The following EPS15 variants were observed in gnomAD, a reference collection of about 807,000 sequenced individuals.
EPS15 encodes epidermal growth factor receptor pathway substrate 15.
A neutral mutation model predicts 113.8 loss-of-function variants in EPS15; 72 were observed. That is an observed-to-expected ratio of 0.63 (90% CI 0.52 to 0.77). The LOEUF (loss-of-function observed/expected upper bound fraction) is 0.77. Among genes scored for constraint, EPS15 ranks in the 30% least tolerant of loss-of-function variants. The pLI is 0.00. For missense variants in EPS15, 1,048 were observed against 1,045.8 expected (o/e 1.00, Z -0.03); for synonymous variants, 344 against 363.4 (o/e 0.95, Z 0.61).
rs550798446 is a variant in EPS15, at chr1:51,392,888, A to C, written c.2119+1493T>G. ...TATTAACCTTTCATTTTATTCTCTT[A>C]GGTTATCCTTTTTAATTCTATAGTA... On this transcript the variant is annotated intron_variant, in intron 21 of 24. Coordinates refer to ENST00000371733, the MANE Select transcript of EPS15 (RefSeq NM_001981.3). 9.5e-4 allele frequency among the ~76,000 whole-genome samples: 144 copies of C among 152,258 alleles called. 1 individual carries two copies. In the Middle Eastern group the frequency reaches 0.014, roughly 14 times the overall value.
intron 21 of EPS15, among the ~76,000 whole-genome samples, chr1:51,367,870 G>A (rs1330570177): frequency 6.6e-6 from 1 of 152,234 alleles, no homozygotes; most frequent in Non-Finnish European, 1.5e-5. Flanking sequence ...AGTGGCTCAC[G>A]CCTGTAATCC....
chr1:51,448,369 A>C (rs1653246777), intron 8 of EPS15, among the ~76,000 whole-genome samples: 1 of 152,332 alleles, frequency 6.6e-6, no homozygotes, highest in East Asian at 1.9e-4. Context: ...TTAGAGACGT[A>C]CCCTTCAACT....
intron 1 of EPS15, among the ~76,000 whole-genome samples, chr1:51,518,150 G>C (rs1254902202): frequency 6.6e-6 from 1 of 152,168 alleles, no homozygotes; most frequent in Non-Finnish European, 1.5e-5. Flanking sequence ...CACAGGAGCA[G>C]GAAGGAACTG....
At chr1:51,450,684 T>C (rs1653473591) in intron 8 of EPS15, among the ~76,000 whole-genome samples, 1 of 151,792 alleles carries the variant, frequency 6.6e-6, no homozygotes, top group Non-Finnish European at 1.5e-5. Flanking sequence ...TCTACCAAAT[T>C]GCAAATGTGT....
At chr1:51,508,666 T>C (rs116568078) in intron 1 of EPS15, among the ~76,000 whole-genome samples, 13 of 152,286 alleles carry the variant, frequency 8.5e-5, no homozygotes, top group African/African-American at 3.1e-4. Flanking sequence ...TGTTAAAATA[T>C]ATATATAAAA....
At chr1:51,455,336 T>C (rs1181234521) in intron 8 of EPS15, among the ~76,000 whole-genome samples, 2 of 152,164 alleles carry the variant, frequency 1.3e-5, no homozygotes, top group Admixed American at 1.3e-4. Flanking sequence ...ACACCTGTAA[T>C]CCCAGCACTT....
At chr1:51,415,792 G>A (rs555444571) in intron 13 of EPS15, among the ~76,000 whole-genome samples, 644 of 32,172 alleles carry the variant, frequency 0.02, 6 homozygotes, top group African/African-American at 0.076. Context: ...GCAAAACTCC[G>A]TCTCAAAAAA....
intron 1 of EPS15, among the ~76,000 whole-genome samples, chr1:51,518,982 C>A (rs1469973312): frequency 6.6e-6 from 1 of 151,024 alleles, no homozygotes; most frequent in Non-Finnish European, 1.5e-5. Flanking sequence ...AGGCGCCCGA[C>A]GACCCTGGGC....
intron 1 of EPS15, among the ~76,000 whole-genome samples, chr1:51,508,338 G>GAGAAAGAAAGAAAGAGAGAA (rs1644553807): frequency 8.2e-6 from 1 of 122,248 alleles, no homozygotes; most frequent in Non-Finnish European, 1.7e-5. Flanking sequence ...AAGAGAAAGA[G>GAGAAAGAAAGAAAGAGAGAA]AGAAAGAAAG....
At chr1:51,491,859 ATTTTTTT>A (rs1007233147) in intron 1 of EPS15, among the ~76,000 whole-genome samples, 6 of 129,816 alleles carry the variant, frequency 4.6e-5, no homozygotes, top group Non-Finnish European at 8.2e-5. Context: ...AACTCATTTA[ATTTTTTT>A]TTTTTTTTTT....
At chr1:51,423,456 T>C in intron 12 of EPS15, 1 of 985,436 alleles carries the variant, frequency 1.0e-6, no homozygotes, top group Non-Finnish European at 1.2e-6. Context: ...CCTCCTTATG[T>C]GAGCAGATGA....
At chr1:51,433,898 C>T (rs559643706) in intron 12 of EPS15, among the ~76,000 whole-genome samples, 1 of 152,270 alleles carries the variant, frequency 6.6e-6, no homozygotes, top group East Asian at 1.9e-4. Context: ...CATAATTTAC[C>T]ACTACCACAT....
intron 6 of EPS15, 94 bp from the exon 7 acceptor site, chr1:51,463,892 T>C (rs1654657471): frequency 4.7e-6 from 3 of 636,276 alleles, no homozygotes; most frequent in Non-Finnish European, 7.8e-6. Flanking sequence ...AGACTACATA[T>C]GTTTTTAAAC....
At chr1:51,431,973 C>CTAT in intron 12 of EPS15, among the ~76,000 whole-genome samples, 1 of 152,004 alleles carries the variant, frequency 6.6e-6, no homozygotes, top group Non-Finnish European at 1.5e-5. Flanking sequence ...TAAATTTCAG[C>CTAT]TATTATTATT....
At position 51,402,501 on chromosome 1, in the gene EPS15, T is replaced by C. The variant is rs766349341; in HGVS notation, c.1816A>G (p.Ser606Gly). Residue 606 changes from serine (S) to glycine (G), a missense_variant, in exon 18 of 25, where the codon AGT becomes GGT. By Grantham distance (56) the Ser-to-Gly change is moderately conservative (BLOSUM62 0). Coordinates refer to ENST00000371733, the MANE Select transcript of EPS15 (RefSeq NM_001981.3). ...TCTGCAACTGGACCTGTCAGCGAAC[T>C]TGAGTCTACATTAAATGGATCTTCC... ...KEEDPFNVDS[S>G]SLTGPVADTN... 1.9e-6 allele frequency: 3 copies of C among 1,577,618 alleles called. No individual in the cohort carries two copies. The highest frequency in any genetic ancestry group is 2.3e-5 in the South Asian group (2 of 86,002).
chr1:51,408,952 A>G (rs1649420308), intron 14 of EPS15, among the ~76,000 whole-genome samples: 1 of 152,064 alleles, frequency 6.6e-6, no homozygotes, highest in Non-Finnish European at 1.5e-5. Context: ...GGCACCCGCC[A>G]CCGCCCTGGC....
At chr1:51,492,187 C>T (rs1433033477) in intron 1 of EPS15, among the ~76,000 whole-genome samples, 1 of 152,016 alleles carries the variant, frequency 6.6e-6, no homozygotes, top group Non-Finnish European at 1.5e-5. Context: ...TGGATGCTTT[C>T]TAGGTACAAG....
chr1:51,414,615 T>C lies in EPS15; in HGVS notation c.1114-4919A>G, dbSNP rs17106554. ...AGGAAAAATATGTTATCTATCCCCATTAGTAAATACTCTAGTCATATTCCC... is the reference window on the plus strand; with the variant it reads ...AGGAAAAATATGTTATCTATCCCCACTAGTAAATACTCTAGTCATATTCCC... On this transcript the variant is annotated intron_variant, in intron 13 of 24. Transcript: ENST00000371733. Among the ~76,000 whole-genome samples, 1,440 of 152,232 alleles carry C rather than the reference T, an allele frequency of 9.5e-3. 24 individuals are homozygous for C. Among genetic ancestry groups the C allele is most frequent in the African/African-American group, 0.033 (1,377 of 41,528 alleles).
At chr1:51,508,552 G>C (rs1462391712) in intron 1 of EPS15, among the ~76,000 whole-genome samples, 1 of 152,140 alleles carries the variant, frequency 6.6e-6, no homozygotes, top group Admixed American at 6.5e-5. Context: ...TGTCACAAAT[G>C]GCAGAGCTAC....
Sources: allele counts gnomAD v4.1 joint callset (sites outside exome capture counted in the v4.1 genomes callset), GRCh38; gene constraint gnomAD v4.1.1; transcripts MANE v1.5; gene names NCBI Gene and HGNC (gene_info 2026-07-23, HGNC 2026-07-21).